IL17D: variants seen among roughly 807,000 people sequenced by gnomAD.
IL17D encodes the protein interleukin 17D, also known as interleukin-17D.
A neutral mutation model predicts 5.7 loss-of-function variants in IL17D; 10 were observed. The observed-to-expected ratio is 1.75, with a 90% confidence interval of 1.08 to 2.97. The LOEUF (loss-of-function observed/expected upper bound fraction) is 2.97. Ranked by LOEUF, IL17D falls within the 30% of genes most tolerant of loss-of-function variation. The probability of loss-of-function intolerance (pLI) is 0.00; values close to 1 mark genes in which losing one functional copy is unlikely to be tolerated. For synonymous variants in IL17D, 172 were observed against 141.7 expected (o/e 1.21, Z -1.52); for missense variants, 354 against 292.7 (o/e 1.21, Z -1.53).
At position 20,721,711 on chromosome 13, in the gene IL17D, G is replaced by A; in HGVS notation, c.366G>A (p.Gly122=). 2.5e-6 allele frequency: 4 copies of A among 1,611,314 alleles called. No individual in the cohort carries two copies. Among genetic ancestry groups the A allele is most frequent in the Non-Finnish European group, 3.4e-6 (4 of 1,179,312 alleles). The part of the protein sequence containing the change: ...AYCLCRGCLT[G]LFGEEDVRFR... ...GCCTGTGCCGGGGCTGCCTGACCGG[G>A]CTGTTCGGCGAGGAGGACGTGCGCT... The change falls in exon 2 of 2, where the codon GGG becomes GGA. Residue 122 remains glycine, a synonymous_variant. Transcript: ENST00000682841.
chr13:20,703,507 G>A, upstream of IL17D: 1 of 855,796 alleles, frequency 1.2e-6, no homozygotes. Context: ...TGCGCGGGCT[G>A]GCTGGGGCGG....
At position 20,713,801 on chromosome 13, in the gene IL17D, A is replaced by G. The variant is rs530887067; in HGVS notation, c.291-7835A>G. 8 of 152,376 alleles carry G rather than the reference A, an allele frequency of 5.3e-5. No homozygotes were observed. The East Asian group carries it at 1.5e-3, about 29-fold the overall frequency. 9.4% of individuals were successfully genotyped at this position (152,376 alleles called of 1,614,324 possible). On this transcript the variant is annotated intron_variant, in intron 1 of 1. Transcript: ENST00000682841. ...AGAAGTGACACATGAAAAACTGGCA[A>G]TGAGCACACTGCTCACTAAATAAGA... is the stretch of plus-strand genomic sequence containing the variant.
chr13:20,719,011 C>T (rs1489673423), intron 1 of IL17D, among the ~76,000 whole-genome samples: 1 of 145,420 alleles, frequency 6.9e-6, no homozygotes. Context: ...CATGCCCATG[C>T]TCACACATGC....
chr13:20,717,699 G>T (rs2058687976), intron 1 of IL17D, among the ~76,000 whole-genome samples: 1 of 152,168 alleles, frequency 6.6e-6, no homozygotes, highest in South Asian at 2.1e-4. Flanking sequence ...TGAGAGAACT[G>T]CCTGAAACCC....
At position 20,704,223 on chromosome 13, in the gene IL17D, G is replaced by A. The variant is rs1201188880; in HGVS notation, c.222G>A (p.Gly74=). ...CGCGCAACGCGAGCTGCCCGGCAGG[G>A]GGCAGGCCCGCCGACCGCCGCTTCC... ...EQARNASCPA[G]GRPADRRFRP... The change falls in exon 1 of 2, where the codon GGG becomes GGA. Residue 74 remains glycine (G), a synonymous_variant. Coordinates refer to ENST00000682841, the MANE Select transcript of IL17D (RefSeq NM_001385224.1). 6 of 1,341,758 alleles carry A rather than the reference G, an allele frequency of 4.5e-6. No homozygotes were observed. The highest frequency in any genetic ancestry group is 5.7e-6 in the Non-Finnish European group (6 of 1,046,182). The allele number at this position is 1,341,758 out of a possible 1,614,324, so 83.1% of individuals were successfully genotyped here. A position where few individuals can be genotyped will look rare whatever the true frequency, so the allele number is the denominator to read the frequency against.
chr13:20,717,673 C>G (rs1463240931), intron 1 of IL17D, among the ~76,000 whole-genome samples: 1 of 152,194 alleles, frequency 6.6e-6, no homozygotes, highest in Non-Finnish European at 1.5e-5. Flanking sequence ...CCCCCCTTAG[C>G]GGCACCTTCC....
intron 1 of IL17D, among the ~76,000 whole-genome samples, chr13:20,708,959 T>A (rs1379095086): frequency 1.3e-5 from 1 of 75,168 alleles, no homozygotes; most frequent in Non-Finnish European, 2.7e-5. Context: ...AGACTCTGTC[T>A]CAAAAAAAAA....
chr13:20,709,331 G>T (rs140592664), intron 1 of IL17D, among the ~76,000 whole-genome samples: 2 of 152,010 alleles, frequency 1.3e-5, no homozygotes, highest in African/African-American at 4.8e-5. Context: ...ACTTGCCCAC[G>T]TGCCAAATGA....
At chr13:20,702,334 G>C (rs1016410480), upstream of IL17D, 5 of 152,200 alleles carry the variant, frequency 3.3e-5, no homozygotes, top group Non-Finnish European at 5.9e-5. Context: ...GCATAGGAAA[G>C]TGTTTTTCCT....
At chr13:20,721,528 AG>A in intron 1 of IL17D, 107 bp from the exon 2 acceptor site, 3 of 840,252 alleles carry the variant, frequency 3.6e-6, no homozygotes, top group Non-Finnish European at 5.2e-6. Flanking sequence ...CCGCAGGCGG[AG>A]GACAGGACAG....
At position 20,716,027 on chromosome 13, in the gene IL17D, G is replaced by C; in HGVS notation, c.291-5609G>C. 1.1e-6 allele frequency: 1 copy of C among 942,278 alleles called. No homozygotes were observed. Among genetic ancestry groups the C allele is most frequent in the Non-Finnish European group, 1.3e-6 (1 of 790,662 alleles). The allele number at this position is 942,278 out of a possible 1,614,324, so 58.4% of individuals were successfully genotyped here. A position where few individuals can be genotyped will look rare whatever the true frequency, so the allele number is the denominator to read the frequency against. On this transcript the variant is annotated intron_variant, in intron 1 of 1. Coordinates refer to ENST00000682841, the MANE Select transcript of IL17D (RefSeq NM_001385224.1). The surrounding 1 kb of genome is among the most constrained non-coding windows in gnomAD (Gnocchi z 4.2). ...TGCGATTACAGGCATGAGCCACCGC[G>C]CCCGGCCAGAATCGACACTTTTAAC...
chr13:20,704,130 C>A lies in IL17D; in HGVS notation c.129C>A (p.Tyr43Ter). The change falls in exon 1 of 2, where the codon TAC becomes TAA. Residue 43 changes from tyrosine (Y) to a stop codon, truncating the protein, a stop_gained. Transcript: ENST00000682841. LOFTEE classifies it high-confidence loss of function. ...CGGAGGAGCTACTGGAGCAGCTGTA[C>A]GGGCGCCTGGCGGCCGGCGTGCTCA... is the stretch of plus-strand genomic sequence containing the variant. Reference protein sequence around the residue: ...DRPEELLEQLYGRLAAGVLSA... With the variant: ...DRPEELLEQL The A allele has an allele frequency of 7.5e-7, 1 of 1,327,484 alleles. No homozygotes were observed. The highest frequency in any genetic ancestry group is 9.7e-7 in the Non-Finnish European group (1 of 1,028,456). The allele number at this position is 1,327,484 out of a possible 1,614,324, so 82.2% of individuals were successfully genotyped here. A position where few individuals can be genotyped will look rare whatever the true frequency, so the allele number is the denominator to read the frequency against.
chr13:20,705,331 G>A (rs879842756), intron 1 of IL17D, among the ~76,000 whole-genome samples: 65 of 151,110 alleles, frequency 4.3e-4, no homozygotes, highest in Non-Finnish European at 6.5e-4. Context: ...GGGTGGGGGG[G>A]CGTAGGCGAG....
chr13:20,714,922 G>T (rs1329552892), intron 1 of IL17D, among the ~76,000 whole-genome samples: 1 of 152,314 alleles, frequency 6.6e-6, no homozygotes, highest in South Asian at 2.1e-4. Flanking sequence ...GAAGCTGTTT[G>T]TGGTCTCCAG....
In IL17D at chr13:20,716,435, G is replaced by T. The variant is rs1050799336; in HGVS notation, c.291-5201G>T. 5.3e-5 allele frequency among the ~76,000 whole-genome samples: 8 copies of T among 152,196 alleles called. No homozygotes were observed. The highest frequency in any genetic ancestry group is 1.2e-4 in the Non-Finnish European group (8 of 68,032). On this transcript the variant is annotated intron_variant, in intron 1 of 1. Transcript: ENST00000682841. The surrounding 1 kb of genome is among the most constrained non-coding windows in gnomAD (Gnocchi z 4.2). ...AATTGGAATTTTCCAAGACCTTAGA[G>T]ACTCAATGTATTGCCAGTGTCTTTT... is the stretch of plus-strand genomic sequence containing the variant.
chr13:20,716,013 G>A lies in IL17D; in HGVS notation c.291-5623G>A. On this transcript the variant is annotated intron_variant, in intron 1 of 1. Transcript: ENST00000682841. The surrounding 1 kb of genome is among the most constrained non-coding windows in gnomAD (Gnocchi z 4.2). ...GCCTCCCAAAGTGCTGCGATTACAG[G>A]CATGAGCCACCGCGCCCGGCCAGAA... 1 of 786,726 alleles carries A rather than the reference G, an allele frequency of 1.3e-6. No individual in the cohort carries two copies. The highest frequency in any genetic ancestry group is 1.5e-6 in the Non-Finnish European group (1 of 648,534). The allele number at this position is 786,726 out of a possible 1,614,324, so 48.7% of individuals were successfully genotyped here. A position where few individuals can be genotyped will look rare whatever the true frequency, so the allele number is the denominator to read the frequency against.
At chr13:20,706,213 T>C (rs995014506) in intron 1 of IL17D, among the ~76,000 whole-genome samples, 10 of 152,224 alleles carry the variant, frequency 6.6e-5, no homozygotes, top group African/African-American at 2.4e-4. Flanking sequence ...CATGGCGCCA[T>C]TCATTCTGGT....
At chr13:20,720,874 A>AACCCC (rs1566522185) in intron 1 of IL17D, among the ~76,000 whole-genome samples, 1 of 75,714 alleles carries the variant, frequency 1.3e-5, no homozygotes, top group East Asian at 5.2e-4. Context: ...CTCCCTCCCA[A>AACCCC]CCCCCCCCCC....
intron 1 of IL17D, among the ~76,000 whole-genome samples, chr13:20,715,015 G>A (rs2058668390): frequency 6.6e-6 from 1 of 152,190 alleles, no homozygotes; most frequent in Non-Finnish European, 1.5e-5. Flanking sequence ...TGCTTCCAAT[G>A]TGGTGGTCCT....
Sources: gnomAD v4.1 joint callset for allele counts (sites outside exome capture counted in the v4.1 genomes callset) on GRCh38, gnomAD v4.1.1 for gene constraint, Gnocchi (gnomAD v3.1) non-coding constraint, MANE v1.5 for transcripts, NCBI Gene and HGNC (gene_info 2026-07-23, HGNC 2026-07-21) for gene names.